The following SNAP29 variants were observed in gnomAD, a reference collection of about 807,000 sequenced individuals.
SNAP29 encodes synaptosomal-associated protein 29.
A neutral mutation model predicts 27.9 loss-of-function variants in SNAP29; 13 were observed. The observed-to-expected ratio is 0.47, with a 90% CI of 0.30 to 0.74. The LOEUF (loss-of-function observed/expected upper bound fraction) is 0.74. Ranked by LOEUF, SNAP29 falls within the 30% of genes least tolerant of loss-of-function variation. SNAP29 has a pLI of 0.06. For synonymous variants in SNAP29, 119 were observed against 127.1 expected (o/e 0.94, Z 0.43); for missense variants, 368 against 336.5 (o/e 1.09, Z -0.73).
At chr22:20,880,004 C>A (rs1928853691) in intron 2 of SNAP29, among the ~76,000 whole-genome samples, 1 of 127,112 alleles carries the variant, frequency 7.9e-6, no homozygotes, top group Non-Finnish European at 1.6e-5. Flanking sequence ...CAGAGAGAGA[C>A]CCTATCTCAA....
intron 2 of SNAP29, among the ~76,000 whole-genome samples, chr22:20,873,403 T>G (rs1928644075): frequency 6.6e-6 from 1 of 152,038 alleles, no homozygotes; most frequent in South Asian, 2.1e-4. Flanking sequence ...TGTACACTAG[T>G]GTGGCCACCA....
intron 4 of SNAP29, among the ~76,000 whole-genome samples, chr22:20,885,276 G>C (rs1164296726): frequency 2.0e-5 from 3 of 152,248 alleles, no homozygotes. Context: ...TTGGCAAAGT[G>C]TAGGGGACAA....
At chr22:20,867,770 G>T (rs1449438000) in intron 1 of SNAP29, among the ~76,000 whole-genome samples, 1 of 152,228 alleles carries the variant, frequency 6.6e-6, no homozygotes, top group Admixed American at 6.5e-5. Context: ...GACTCTGGGA[G>T]TTTGAGAGAA....
intron 1 of SNAP29, chr22:20,859,770 G>A (rs1928197163): frequency 4.3e-6 from 1 of 230,122 alleles, no homozygotes; most frequent in East Asian, 1.3e-4. Flanking sequence ...AGAAAGAGAG[G>A]ACTATGTGCC....
At position 20,889,941 on chromosome 22, in the gene SNAP29, T is replaced by G. The variant is rs5752201; in HGVS notation, c.*2105T>G. On this transcript the variant is annotated 3_prime_UTR_variant, in exon 5 of 5. Transcript: ENST00000215730. ...AAGCCAGTCACCCGCCCTTCTCTGTTTTTTGGTTTTTTTTTTCTTAACCCC... is the reference window on the plus strand; with the variant it reads ...AAGCCAGTCACCCGCCCTTCTCTGTGTTTTGGTTTTTTTTTTCTTAACCCC... The G allele has an allele frequency of 0.066, 15,191 of 229,974 alleles. 531 individuals carry two copies. Among genetic ancestry groups the G allele is most frequent in the Non-Finnish European group, 0.071 (8,507 of 119,558 alleles). The allele number at this position is 229,974 out of a possible 1,614,324, so 14.2% of individuals were successfully genotyped here.
intron 1 of SNAP29, among the ~76,000 whole-genome samples, chr22:20,867,395 G>C (rs1928486000): frequency 6.6e-6 from 1 of 152,008 alleles, no homozygotes; most frequent in Non-Finnish European, 1.5e-5. Flanking sequence ...GTGGTGGCTG[G>C]GGCACAGGTG....
At chr22:20,879,099 A>C (rs1462680359) in intron 2 of SNAP29, among the ~76,000 whole-genome samples, 1 of 152,088 alleles carries the variant, frequency 6.6e-6, no homozygotes, top group Non-Finnish European at 1.5e-5. Context: ...CGAGGTCAGG[A>C]GATCGAGACC....
chr22:20,874,167 C>T (rs1261723255), intron 2 of SNAP29, among the ~76,000 whole-genome samples: 4 of 146,350 alleles, frequency 2.7e-5, no homozygotes, highest in African/African-American at 7.5e-5. Context: ...CCCAGCTACT[C>T]GGGAGGGTGA....
intron 1 of SNAP29, among the ~76,000 whole-genome samples, chr22:20,862,990 T>C (rs1266462254): frequency 1.3e-5 from 2 of 152,170 alleles, no homozygotes; most frequent in Admixed American, 6.5e-5. Context: ...CAGGTGCAAG[T>C]GATCCTCCTG....
intron 4 of SNAP29, among the ~76,000 whole-genome samples, chr22:20,884,254 C>T (rs572116402): frequency 2.0e-5 from 3 of 151,980 alleles, no homozygotes; most frequent in East Asian, 3.9e-4. Context: ...ATCACTTGAA[C>T]CCGGGAGGCA....
At chr22:20,875,771 A>G (rs990728536) in intron 2 of SNAP29, among the ~76,000 whole-genome samples, 1 of 152,182 alleles carries the variant, frequency 6.6e-6, no homozygotes, top group African/African-American at 2.4e-5. Flanking sequence ...CCTGGGCAAC[A>G]TAGCAAGATT....
chr22:20,868,115 T>G (rs1928502478), intron 1 of SNAP29, among the ~76,000 whole-genome samples: 1 of 152,340 alleles, frequency 6.6e-6, no homozygotes, highest in South Asian at 2.1e-4. Flanking sequence ...CTCTGCCTTA[T>G]TCCAGAGAAG....
At chr22:20,884,546 C>G (rs1296212205) in intron 4 of SNAP29, among the ~76,000 whole-genome samples, 3 of 152,132 alleles carry the variant, frequency 2.0e-5, no homozygotes, top group Non-Finnish European at 2.9e-5. Flanking sequence ...TGTAGGCTGG[C>G]TCCTTCTCTT....
chr22:20,875,296 T>C (rs73879421), intron 2 of SNAP29, among the ~76,000 whole-genome samples: 1 of 152,180 alleles, frequency 6.6e-6, no homozygotes. Context: ...CCCAAAGTCA[T>C]GTACCCTGCC....
intron 2 of SNAP29, among the ~76,000 whole-genome samples, chr22:20,876,649 G>C (rs165922): frequency 6.8e-6 from 1 of 148,128 alleles, no homozygotes. Flanking sequence ...CTCACTGCAA[G>C]CTCCGTCTCC....
chr22:20,869,359 G>A (rs1025808420), intron 1 of SNAP29, among the ~76,000 whole-genome samples: 2 of 152,160 alleles, frequency 1.3e-5, no homozygotes, highest in Non-Finnish European at 2.9e-5. Context: ...AGTGGCCTTT[G>A]AAAGGAGACC....
rs1555912968 is a variant in SNAP29 at position 20,859,074 on chromosome 22, T to A, written c.-37T>A. The A allele has an allele frequency of 2.0e-6, 3 of 1,529,586 alleles. No individual in the cohort carries two copies. In the South Asian group the frequency reaches 3.4e-5, roughly 18 times the overall value. 94.8% of individuals were successfully genotyped at this position (1,529,586 alleles called of 1,614,324 possible). A position where few individuals can be genotyped will look rare whatever the true frequency, so the allele number is the denominator to read the frequency against. The stretch of plus-strand genomic sequence containing the variant: ...TGGACGGCGGCGGCAGTGGGGCTCC[T>A]CCTTCTGTTTCCCAGACCGAGAGCC... On this transcript the variant is annotated 5_prime_UTR_variant, in exon 1 of 5. Coordinates refer to ENST00000215730, the MANE Select transcript of SNAP29 (RefSeq NM_004782.4).
At chr22:20,871,482 T>TAAAAAAAAAA (rs58294079) in intron 2 of SNAP29, among the ~76,000 whole-genome samples, 1,201 of 63,932 alleles carry the variant, frequency 0.019, 19 homozygotes, top group Non-Finnish European at 0.028. Flanking sequence ...TCCCTGTCTC[T>TAAAAAAAAAA]AAAAAAAAAA....
At chr22:20,876,868 C>T (rs1382622714) in intron 2 of SNAP29, among the ~76,000 whole-genome samples, 1 of 152,164 alleles carries the variant, frequency 6.6e-6, no homozygotes, top group Non-Finnish European at 1.5e-5. Context: ...AACTTCTGTT[C>T]AGTCATGCAT....
Sources: allele counts gnomAD v4.1 joint callset (sites outside exome capture counted in the v4.1 genomes callset), GRCh38; gene constraint gnomAD v4.1.1; transcripts MANE v1.5; gene names NCBI Gene and HGNC (gene_info 2026-07-23, HGNC 2026-07-21).